The following CDS1 variants were observed in gnomAD, a reference collection of about 807,000 sequenced individuals.
The protein encoded by CDS1 is phosphatidate cytidylyltransferase 1.
A neutral mutation model predicts 62.1 loss-of-function variants in CDS1; 41 were observed. That is an observed-to-expected ratio of 0.66 (90% CI 0.51 to 0.86). CDS1 has a LOEUF of 0.86. CDS1 is among the 40% of genes least tolerant of loss of function. CDS1 has a pLI of 0.00. For missense variants in CDS1, 470 were observed against 550.1 expected (o/e 0.85, Z 1.46); for synonymous variants, 185 against 192.6 (o/e 0.96, Z 0.32).
chr4:84,599,225 ACCAAACC>A (rs1722844627), intron 1 of CDS1, among the ~76,000 whole-genome samples: 1 of 151,930 alleles, frequency 6.6e-6, no homozygotes, highest in Non-Finnish European at 1.5e-5. Flanking sequence ...TTATAAGGGC[ACCAAACC>A]CATTTGTGAG....
At chr4:84,631,790 A>G (rs201288160) in intron 5 of CDS1, 29 bp from the exon 6 acceptor site, 3 of 1,596,546 alleles carry the variant, frequency 1.9e-6, no homozygotes, top group Non-Finnish European at 2.6e-6. Flanking sequence ...AAATTGTACA[A>G]CGAGCACATG....
Position 84,583,144 on chromosome 4 carries a change from C to G in CDS1, c.-258C>G, listed in dbSNP as rs1357207677. 1 of 423,784 alleles carries G rather than the reference C, an allele frequency of 2.4e-6. No individual in the cohort carries two copies. The allele number at this position is 423,784 out of a possible 1,614,324, so 26.3% of individuals were successfully genotyped here. ...GCGTCTCCGCCTTCTCTGCTCGCGC[C>G]TGGCGCCCGGAGCCTGCCCGGGACC... is the stretch of plus-strand genomic sequence containing the variant. On this transcript the variant is annotated 5_prime_UTR_variant, in exon 1 of 13. Coordinates refer to ENST00000295887, the MANE Select transcript of CDS1 (RefSeq NM_001263.4).
rs746859862 is a variant in CDS1 at position 84,640,787 on chromosome 4, A to G, written c.880-51A>G. On this transcript the variant is annotated intron_variant, in intron 9 of 12. Transcript: ENST00000295887. ...AAGATATATGTTTAGTCAATGTGTT[A>G]TGAACTTTTGCTTTGTTTTTTGTTT... 6.4e-6 allele frequency: 9 copies of G among 1,413,184 alleles called. No individual in the cohort carries two copies. In the Admixed American group the frequency reaches 9.2e-5, roughly 14 times the overall value. The allele number at this position is 1,413,184 out of a possible 1,614,324, so 87.5% of individuals were successfully genotyped here.
chr4:84,606,286 T>A (rs1723089753), intron 2 of CDS1, among the ~76,000 whole-genome samples: 1 of 143,794 alleles, frequency 7.0e-6, no homozygotes, highest in African/African-American at 2.8e-5. Context: ...GTTTACCCTT[T>A]GAGGCTTTTT....
chr4:84,643,218 C>A, intron 11 of CDS1, 75 bp downstream of exon 11: 1 of 1,466,012 alleles, frequency 6.8e-7, no homozygotes, highest in Non-Finnish European at 9.4e-7. Flanking sequence ...ATTTGGTCCG[C>A]TCATGATCTA....
Position 84,648,684 on chromosome 4 carries a change from T to C in CDS1, c.1384T>C (p.Ter462GlnextTer18), listed in dbSNP as rs1349592150. The change falls in exon 13 of 13, where the codon TAA (stop) becomes CAA (glutamine). Residue 462 changes from the stop codon to glutamine, a stop_lost. Transcript: ENST00000295887. ...AATCCTACAACCCACCTTGAAGGTA[T>C]AACTGGATCCAGAGAGGGAAGGACT... ...KGILQPTLKV[*>Q] 2.5e-6 allele frequency: 4 copies of C among 1,611,400 alleles called. No homozygotes were observed. Among genetic ancestry groups the C allele is most frequent in the Non-Finnish European group, 3.4e-6 (4 of 1,178,852 alleles).
In CDS1 at chr4:84,606,328, GTGTA is replaced by G. The variant is rs1389090112; in HGVS notation, c.245+1962_245+1965del. Among the ~76,000 whole-genome samples, 5 of 151,614 alleles carry G rather than the reference GTGTA, an allele frequency of 3.3e-5. No homozygotes were observed. The East Asian group carries it at 7.8e-4, about 24-fold the overall frequency. ...GCAGTGTGTGTGTGTGTGTGTGTGT[GTGTA>G]TGTGTGTGTATGTATGGATGTGTGT... On this transcript the variant is annotated intron_variant, in intron 2 of 12. Transcript: ENST00000295887.
At chr4:84,631,118 A>G (rs376130701) in intron 5 of CDS1, among the ~76,000 whole-genome samples, 2 of 152,198 alleles carry the variant, frequency 1.3e-5, no homozygotes, top group Admixed American at 6.5e-5. Flanking sequence ...TAATTATTGT[A>G]TGCTTTTGAG....
intron 12 of CDS1, 62 bp downstream of exon 12, chr4:84,645,387 T>C (rs968435945): frequency 3.9e-6 from 4 of 1,017,256 alleles, no homozygotes; most frequent in Non-Finnish European, 4.6e-6. Flanking sequence ...CCATCAACAT[T>C]AGTTTGAGTA....
intron 5 of CDS1, among the ~76,000 whole-genome samples, chr4:84,622,853 T>C (rs1723734351): frequency 1.3e-5 from 2 of 152,172 alleles, no homozygotes; most frequent in Admixed American, 6.5e-5. Context: ...TTTATAGTAA[T>C]AGTTAGCATT....
chr4:84,614,534 T>C (rs560281749), intron 3 of CDS1, among the ~76,000 whole-genome samples: 1 of 152,298 alleles, frequency 6.6e-6, no homozygotes, highest in East Asian at 1.9e-4. Context: ...AGTATTTTCT[T>C]AGAAAAAATT....
chr4:84,623,744 C>T (rs1427268608), intron 5 of CDS1, among the ~76,000 whole-genome samples: 2 of 152,156 alleles, frequency 1.3e-5, no homozygotes, highest in African/African-American at 4.8e-5. Flanking sequence ...GATTGGCGGG[C>T]TTAACTTAGC....
At position 84,619,448 on chromosome 4, in the gene CDS1, T is replaced by C; in HGVS notation, c.495T>C (p.Tyr165=). 1.3e-6 allele frequency: 2 copies of C among 1,582,594 alleles called. No homozygotes were observed. Among genetic ancestry groups the C allele is most frequent in the South Asian group, 1.1e-5 (1 of 89,372 alleles). Residue 165 remains tyrosine, a synonymous_variant, in exon 5 of 13, where the codon TAT becomes TAC. Coordinates refer to ENST00000295887, the MANE Select transcript of CDS1 (RefSeq NM_001263.4). The stretch of plus-strand genomic sequence containing the variant: ...TCTATGGAGAGACTGTAGCTGATTA[T>C]TTTGCTACATTTGTTCAAAGAGAAG... ...YFFYGETVAD[Y]FATFVQREEQ...
intron 2 of CDS1, among the ~76,000 whole-genome samples, chr4:84,607,266 G>A (rs1692734593): frequency 1.3e-5 from 2 of 152,012 alleles, no homozygotes; most frequent in South Asian, 4.1e-4. Context: ...TTGGAGAGTG[G>A]TTGAAAGCAA....
At chr4:84,633,518 G>A (rs188667487) in intron 6 of CDS1, among the ~76,000 whole-genome samples, 62 of 152,274 alleles carry the variant, frequency 4.1e-4, no homozygotes, top group African/African-American at 1.4e-3. Context: ...CCCTTTAAAT[G>A]TTGTTAAACC....
At chr4:84,646,596 G>T (rs1393023097) in intron 12 of CDS1, among the ~76,000 whole-genome samples, 2 of 152,100 alleles carry the variant, frequency 1.3e-5, no homozygotes, top group Non-Finnish European at 2.9e-5. Context: ...AACAAATGGA[G>T]ATTTTTTCAC....
chr4:84,617,482 A>G (rs908399035), intron 3 of CDS1, 82 bp from the exon 4 acceptor site: 2 of 735,164 alleles, frequency 2.7e-6, no homozygotes, highest in Non-Finnish European at 4.8e-6. Flanking sequence ...TTTTAAATAC[A>G]TATGACAAAC....
At chr4:84,616,733 A>T (rs1303080801) in intron 3 of CDS1, among the ~76,000 whole-genome samples, 4 of 152,204 alleles carry the variant, frequency 2.6e-5, no homozygotes, top group African/African-American at 9.7e-5. Context: ...TTGCTCTTTG[A>T]GTCTTGGAAT....
chr4:84,629,397 T>C (rs909129329), intron 5 of CDS1, among the ~76,000 whole-genome samples: 2 of 151,916 alleles, frequency 1.3e-5, no homozygotes, highest in African/African-American at 4.8e-5. Flanking sequence ...TGTGTCTTTA[T>C]TGAACATGTA....
Sources: gnomAD v4.1 joint callset for allele counts (sites outside exome capture counted in the v4.1 genomes callset) on GRCh38, gnomAD v4.1.1 for gene constraint, MANE v1.5 for transcripts, NCBI Gene and HGNC (gene_info 2026-07-23, HGNC 2026-07-21) for gene names.